The following NDE1 variants were observed in gnomAD, a reference collection of about 807,000 sequenced individuals.
The protein encoded by NDE1 is nudE neurodevelopment protein 1.
Under a neutral mutation model 43.4 loss-of-function variants are expected in NDE1, and 28 were observed. The observed-to-expected ratio is 0.65, with a 90% confidence interval of 0.48 to 0.89. The LOEUF is 0.89. Among genes scored for constraint, NDE1 ranks in the 40% least tolerant of loss-of-function variants. The probability of loss-of-function intolerance (pLI) is 0.00; values close to 1 mark genes in which losing one functional copy is unlikely to be tolerated. For synonymous variants in NDE1, 184 were observed against 172.0 expected (o/e 1.07, Z -0.55); for missense variants, 441 against 434.1 (o/e 1.02, Z -0.14).
At chr16:15,711,321 C>G (rs1278335420) in intron 8 of NDE1, 2 of 152,154 alleles carry the variant, frequency 1.3e-5, no homozygotes, top group Non-Finnish European at 1.5e-5. Context: ...TTAAACAAGT[C>G]TAATTATGAT....
At chr16:15,724,028 A>G in intron 8 of NDE1, 163 bp from the exon 9 acceptor site, 1 of 1,477,714 alleles carries the variant, frequency 6.8e-7, no homozygotes, top group Non-Finnish European at 9.3e-7. Flanking sequence ...ACAAGATAAG[A>G]CAGCCTCCCA....
At chr16:15,719,793 C>T in intron 8 of NDE1, 3 of 1,586,540 alleles carry the variant, frequency 1.9e-6, no homozygotes, top group Non-Finnish European at 1.7e-6. Context: ...TTTGCACACC[C>T]ACCCCTTGGA....
intron 3 of NDE1, among the ~76,000 whole-genome samples, chr16:15,675,510 C>A (rs11075275): frequency 1.3e-5 from 2 of 150,230 alleles, no homozygotes; most frequent in Non-Finnish European, 3.0e-5. Flanking sequence ...GATCATAGCT[C>A]ACTGCAGCCT....
chr16:15,722,194 C>T (rs959960019), intron 8 of NDE1, among the ~76,000 whole-genome samples: 1 of 152,122 alleles, frequency 6.6e-6, no homozygotes, highest in Admixed American at 6.6e-5. Context: ...GACCTGCCCA[C>T]GTTGCTTAGA....
At chr16:15,667,854 A>G (rs1385006928) in intron 3 of NDE1, among the ~76,000 whole-genome samples, 6 of 150,514 alleles carry the variant, frequency 4.0e-5, no homozygotes, top group South Asian at 4.2e-4. Flanking sequence ...CTGGTCTCGA[A>G]CTCCTGACCT....
At chr16:15,688,725 G>A (rs1173545939) in intron 5 of NDE1, among the ~76,000 whole-genome samples, 9 of 46,692 alleles carry the variant, frequency 1.9e-4, no homozygotes, top group East Asian at 1.1e-3. Context: ...TTGAGATGGC[G>A]TCTTGCTCTG....
chr16:15,710,119 G>A (rs1475574585), intron 8 of NDE1, among the ~76,000 whole-genome samples: 10 of 152,192 alleles, frequency 6.6e-5, no homozygotes, highest in South Asian at 2.1e-4. Context: ...GTGTGTATTC[G>A]TGTCGGAACT....
At chr16:15,693,144 G>T (rs2038836192) in intron 6 of NDE1, among the ~76,000 whole-genome samples, 1 of 152,072 alleles carries the variant, frequency 6.6e-6, no homozygotes, top group Non-Finnish European at 1.5e-5. Flanking sequence ...TGGGATTACA[G>T]GCAGGCACCT....
chr16:15,664,541 G>T (rs1220543262), intron 1 of NDE1, among the ~76,000 whole-genome samples, 195 bp from the exon 2 acceptor site: 1 of 151,998 alleles, frequency 6.6e-6, no homozygotes, highest in African/African-American at 2.4e-5. Flanking sequence ...TATTTTAGTA[G>T]AGACGGGGTT....
At position 15,677,872 on chromosome 16, in the gene NDE1, C is replaced by G. The variant is rs376548563; in HGVS notation, c.309C>G (p.Thr103=). 366 of 1,614,070 alleles carry G rather than the reference C, an allele frequency of 2.3e-4. 3 individuals are homozygous for G. Among genetic ancestry groups the G allele is most frequent in the South Asian group, 2.2e-3 (197 of 91,082 alleles). The change falls in exon 4 of 9, where the codon ACC becomes ACG. Residue 103 remains threonine (T), a synonymous_variant. Transcript: ENST00000396354. Reference sequence around the variant, plus strand: ...CCTTGGAGGATGACCTCGCGCAGACCAAAGCCATTAAAGACCAATTGCAGA... The same window carrying G: ...CCTTGGAGGATGACCTCGCGCAGACGAAAGCCATTAAAGACCAATTGCAGA... The part of the protein sequence containing the change: ...ISALEDDLAQ[T]KAIKDQLQKY...
At chr16:15,690,215 T>G (rs947770118) in intron 5 of NDE1, among the ~76,000 whole-genome samples, 10 of 151,870 alleles carry the variant, frequency 6.6e-5, no homozygotes, top group Non-Finnish European at 1.3e-4. Flanking sequence ...TGGCTAATTT[T>G]TTGTATTTTT....
At chr16:15,649,698 G>T (rs2036406574), upstream of NDE1, among the ~76,000 whole-genome samples, 1 of 152,188 alleles carries the variant, frequency 6.6e-6, no homozygotes, top group African/African-American at 2.4e-5. Flanking sequence ...CAGTTAGTAA[G>T]GGGCAGGACT....
At chr16:15,654,296 G>A (rs901404580) in intron 1 of NDE1, among the ~76,000 whole-genome samples, 2 of 152,018 alleles carry the variant, frequency 1.3e-5, no homozygotes, top group African/African-American at 4.8e-5. Context: ...CTATTACAGT[G>A]CCTTTTAAAA....
At chr16:15,665,849 T>C (rs1360673559) in intron 2 of NDE1, among the ~76,000 whole-genome samples, 1 of 151,624 alleles carries the variant, frequency 6.6e-6, no homozygotes, top group Non-Finnish European at 1.5e-5. Context: ...CTCCACCTCC[T>C]GGGTTCAATC....
intron 8 of NDE1, chr16:15,711,298 T>A (rs1200038764): frequency 6.6e-6 from 1 of 152,202 alleles, no homozygotes. Flanking sequence ...AGTCATTTCC[T>A]TTCCAACTCT....
At position 15,697,189 on chromosome 16, in the gene NDE1, C is replaced by T. The variant is rs114858548; in HGVS notation, c.947+329C>T. 2.1e-3 allele frequency: 869 copies of T among 422,146 alleles called. 7 individuals are homozygous for T. The highest frequency in any genetic ancestry group is 0.017 in the African/African-American group (805 of 46,300). The allele number at this position is 422,146 out of a possible 1,614,324, so 26.2% of individuals were successfully genotyped here. A position where few individuals can be genotyped will look rare whatever the true frequency, so the allele number is the denominator to read the frequency against. On this transcript the variant is annotated intron_variant, in intron 8 of 8. Coordinates refer to ENST00000396354, the MANE Select transcript of NDE1 (RefSeq NM_017668.3). ...CCCCGAGTAGCTGGGAGTACAGGTGCGTGTCACCGTGCTCGGCTAATTTTT... is the reference window on the plus strand; with the variant it reads ...CCCCGAGTAGCTGGGAGTACAGGTGTGTGTCACCGTGCTCGGCTAATTTTT...
rs772907739 is a variant in NDE1 at position 15,718,401 on chromosome 16, G to A, written c.948-5790G>A. 8 of 1,594,870 alleles carry A rather than the reference G, an allele frequency of 5.0e-6. No homozygotes were observed. The highest frequency in any genetic ancestry group is 2.2e-5 in the East Asian group (1 of 44,612). ...AGCTCCTCCTCCAGCTGGGCGATCC[G>A]GGCCTCCAGGCGGCGCTTCTCGTCC... On this transcript the variant is annotated intron_variant, in intron 8 of 8. Transcript: ENST00000396354.
upstream of NDE1, among the ~76,000 whole-genome samples, chr16:15,646,115 T>G (rs565470844): frequency 6.6e-6 from 1 of 152,352 alleles, no homozygotes; most frequent in East Asian, 1.9e-4. Flanking sequence ...TGCCCTCTCT[T>G]TTTTCTTTAT....
chr16:15,655,680 G>T (rs925691740), intron 1 of NDE1, among the ~76,000 whole-genome samples: 1 of 151,960 alleles, frequency 6.6e-6, no homozygotes, highest in Non-Finnish European at 1.5e-5. Context: ...ACATGCACAC[G>T]TATGTTTATT....
Sources: allele counts gnomAD v4.1 joint callset (sites outside exome capture counted in the v4.1 genomes callset), GRCh38; gene constraint gnomAD v4.1.1; transcripts MANE v1.5; gene names NCBI Gene and HGNC (gene_info 2026-07-23, HGNC 2026-07-21).